The following CMYA5 variants were observed in gnomAD, a reference collection of about 807,000 sequenced individuals.
CMYA5 encodes the protein cardiomyopathy-associated protein 5.
CMYA5 carries 246 observed loss-of-function variants against 318.9 expected under a neutral mutation model. The ratio of observed to expected loss-of-function variants is 0.77; its 90% CI spans 0.70 to 0.86. CMYA5 has a LOEUF of 0.86. CMYA5 is among the 40% of genes least tolerant of loss of function. CMYA5 has a pLI of 0.00. For missense variants in CMYA5, 4,589 were observed against 4,678.2 expected, an observed-to-expected ratio of 0.98 and a Z score of 0.56; for synonymous variants, 1,641 against 1,729.5, an observed-to-expected ratio of 0.95 and a Z score of 1.27.
At chr5:79,739,946 G>A (rs538223066) in intron 2 of CMYA5, among the ~76,000 whole-genome samples, 1 of 152,018 alleles carries the variant, frequency 6.6e-6, no homozygotes, top group African/African-American at 2.4e-5. Flanking sequence ...TCCCGCCACT[G>A]CACTCCACTC....
Position 79,747,076 on chromosome 5 carries a change from CTCTT to C in CMYA5, c.10969-11_10969-8del, listed in dbSNP as rs1431378439. ...TCTCTCTTCTCCTCCTCCTTCCTCT[CTCTT>C]TCTCCCTAAGTCGTTTGAGGAAATC... is the stretch of plus-strand genomic sequence containing the variant. On this transcript the variant is annotated splice_polypyrimidine_tract_variant and intron_variant, in intron 4 of 12. Coordinates refer to ENST00000446378, the MANE Select transcript of CMYA5 (RefSeq NM_153610.5). 3 of 1,456,904 alleles carry C rather than the reference CTCTT, an allele frequency of 2.1e-6. No homozygotes were observed. The highest frequency in any genetic ancestry group is 1.4e-5 in the African/African-American group (1 of 70,894). The allele number at this position is 1,456,904 out of a possible 1,614,324, so 90.2% of individuals were successfully genotyped here. A position where few individuals can be genotyped will look rare whatever the true frequency, so the allele number is the denominator to read the frequency against.
rs987679415 is a variant in CMYA5 at position 79,731,978 on chromosome 5, G to C, written c.3213G>C (p.Leu1071Phe). 1 of 1,613,604 alleles carries C rather than the reference G, an allele frequency of 6.2e-7. No individual in the cohort carries two copies. The highest frequency in any genetic ancestry group is 1.3e-5 in the African/African-American group (1 of 74,882). The change falls in exon 2 of 13, where the codon TTG becomes TTC. Residue 1071 changes from leucine (L) to phenylalanine (F), a missense_variant. By Grantham distance (22) the Leu-to-Phe change is conservative. Coordinates refer to ENST00000446378, the MANE Select transcript of CMYA5 (RefSeq NM_153610.5). ...SQKQKAETFPLMSPLEDLSLP... is the reference protein window; with the variant it reads ...SQKQKAETFPFMSPLEDLSLP... ...AGCAAAAAGCTGAAACTTTCCCTTT[G>C]ATGTCTCCGCTTGAAGACTTAAGTC...
At chr5:79,744,639 A>T (rs909014532) in intron 3 of CMYA5, among the ~76,000 whole-genome samples, 2 of 152,234 alleles carry the variant, frequency 1.3e-5, no homozygotes, top group Non-Finnish European at 2.9e-5. Context: ...CATGCTAGTT[A>T]TTTCGGGTGT....
At chr5:79,773,844 T>C (rs1175541642) in intron 9 of CMYA5, among the ~76,000 whole-genome samples, 1 of 151,774 alleles carries the variant, frequency 6.6e-6, no homozygotes, top group Non-Finnish European at 1.5e-5. Flanking sequence ...CCACCCCCAA[T>C]CCCCGATAAA....
In CMYA5 at chr5:79,737,404, G is replaced by A. The variant is rs187131012; in HGVS notation, c.8639G>A (p.Arg2880His). ...CACTTGGAGGCTGCGGAAGATACCC[G>A]TGTAAAGGAACCACTGTCTTCAGCA... ...KHHLEAAEDT[R>H]VKEPLSSAKS... The change falls in exon 2 of 13, where the codon CGT becomes CAT. Residue 2880 changes from arginine to histidine, a missense_variant. By Grantham distance (29) the Arg-to-His change is conservative (BLOSUM62 0). Transcript: ENST00000446378. 9.9e-6 allele frequency: 16 copies of A among 1,613,852 alleles called. No individual in the cohort carries two copies. The highest frequency in any genetic ancestry group is 3.3e-4 in the Middle Eastern group (2 of 6,060).
At chr5:79,767,251 A>C (rs545879949) in intron 9 of CMYA5, among the ~76,000 whole-genome samples, 1 of 152,188 alleles carries the variant, frequency 6.6e-6, no homozygotes, top group Non-Finnish European at 1.5e-5. Flanking sequence ...TCAAAAAACC[A>C]GTTCCTGGAT....
In CMYA5 at chr5:79,699,072, C is replaced by A. The variant is rs752319004; in HGVS notation, c.149+9016C>A. On this transcript the variant is annotated intron_variant, in intron 1 of 12. Transcript: ENST00000446378. The stretch of plus-strand genomic sequence containing the variant: ...ACTTGGGAGGCTGGGGCAGGAGAAT[C>A]GCTTGAACCCAGGAGGAAGAGGTTG... Among the ~76,000 whole-genome samples, 3 of 152,010 alleles carry A rather than the reference C, an allele frequency of 2.0e-5. No homozygotes were observed. In the South Asian group the frequency reaches 6.2e-4, roughly 32 times the overall value.
intron 9 of CMYA5, among the ~76,000 whole-genome samples, chr5:79,787,845 A>C (rs1013239794): frequency 6.6e-6 from 1 of 152,188 alleles, no homozygotes; most frequent in Non-Finnish European, 1.5e-5. Context: ...CTGGGCCAAG[A>C]ACATTTTTTC....
chr5:79,799,797 G>A lies in CMYA5; in HGVS notation c.*181G>A, dbSNP rs543628434. The A allele has an allele frequency of 1.3e-4, 80 of 620,688 alleles. No individual in the cohort carries two copies. In the East Asian group the frequency reaches 2.5e-3, roughly 19 times the overall value. The allele number at this position is 620,688 out of a possible 1,614,324, so 38.4% of individuals were successfully genotyped here. ...AAGAAAACCTTGACTTTACAGAGCA[G>A]TGTGTGAGTAAACAGAATGAAAACA... is the stretch of plus-strand genomic sequence containing the variant. On this transcript the variant is annotated 3_prime_UTR_variant, in exon 13 of 13. Coordinates refer to ENST00000446378, the MANE Select transcript of CMYA5 (RefSeq NM_153610.5).
rs375956497 is a variant in CMYA5, at chr5:79,732,095, A to G, written c.3330A>G (p.Ala1110=). ...STSVSEYLIL[A]QKQKTQAYLE... ...CTGTATCTGAATATCTCATTTTGGC[A>G]CAGAAGCAGAAAACTCAAGCATATT... The change falls in exon 2 of 13, where the codon GCA becomes GCG. Residue 1110 remains alanine (A), a synonymous_variant. Coordinates refer to ENST00000446378, the MANE Select transcript of CMYA5 (RefSeq NM_153610.5). 1 of 1,613,868 alleles carries G rather than the reference A, an allele frequency of 6.2e-7. No homozygotes were observed. Among genetic ancestry groups the G allele is most frequent in the Non-Finnish European group, 8.5e-7 (1 of 1,179,882 alleles).
intron 1 of CMYA5, among the ~76,000 whole-genome samples, chr5:79,722,145 T>C (rs750414747): frequency 6.6e-6 from 1 of 152,078 alleles, no homozygotes; most frequent in Non-Finnish European, 1.5e-5. Context: ...AACTAGAAAG[T>C]AAACAAAAAG....
At chr5:79,769,440 T>A (rs751851054) in intron 9 of CMYA5, among the ~76,000 whole-genome samples, 4 of 152,184 alleles carry the variant, frequency 2.6e-5, no homozygotes, top group Non-Finnish European at 2.9e-5. Flanking sequence ...TGGATTTATC[T>A]ACCTTTCGTC....
At position 79,735,170 on chromosome 5, in the gene CMYA5, C is replaced by T. The variant is rs1424640724; in HGVS notation, c.6405C>T (p.Ile2135=). The T allele has an allele frequency of 1.2e-6, 2 of 1,613,324 alleles. No individual in the cohort carries two copies. Among genetic ancestry groups the T allele is most frequent in the African/African-American group, 1.3e-5 (1 of 74,820 alleles). ...EVKIPTQRKP[I]SSIHAREPQS... is the part of the protein sequence containing the mutation. ...AAATACCCACACAAAGAAAACCCAT[C>T]TCCTCAATCCATGCAAGAGAGCCTC... Residue 2135 remains isoleucine, a synonymous_variant, in exon 2 of 13, where the codon ATC becomes ATT. Coordinates refer to ENST00000446378, the MANE Select transcript of CMYA5 (RefSeq NM_153610.5).
rs1266920314 is a variant in CMYA5 at position 79,758,799 on chromosome 5, C to T, written c.11157C>T (p.Thr3719=). The T allele has an allele frequency of 3.1e-6, 5 of 1,599,276 alleles. No homozygotes were observed. Among genetic ancestry groups the T allele is most frequent in the African/African-American group, 1.3e-5 (1 of 74,204 alleles). Residue 3719 remains threonine (T), a synonymous_variant, in exon 7 of 13, where the codon ACC becomes ACT. Transcript: ENST00000446378. The stretch of plus-strand genomic sequence containing the variant: ...AACCTCAGGAACCAAATTCTGCCAC[C>T]AGCACAACAATTGCAGTTTACTGGA... ...RLEPQEPNSA[T]STTIAVYWSM... is the part of the protein sequence containing the mutation.
chr5:79,718,747 G>A (rs1827566068), intron 1 of CMYA5, among the ~76,000 whole-genome samples: 1 of 152,102 alleles, frequency 6.6e-6, no homozygotes, highest in Non-Finnish European at 1.5e-5. Flanking sequence ...GTTAATGACA[G>A]ACTGCATATA....
At chr5:79,775,347 G>A (rs940401469) in intron 9 of CMYA5, among the ~76,000 whole-genome samples, 1 of 152,122 alleles carries the variant, frequency 6.6e-6, no homozygotes, top group Non-Finnish European at 1.5e-5. Flanking sequence ...ACTTAGGCCT[G>A]TCAATTTCCA....
chr5:79,743,997 G>C, intron 3 of CMYA5, 75 bp downstream of exon 3: 1 of 723,980 alleles, frequency 1.4e-6, no homozygotes, highest in South Asian at 2.2e-5. Context: ...GAGGTGAAGG[G>C]ATCTGACTTG....
At chr5:79,695,427 T>C (rs1400454567) in intron 1 of CMYA5, among the ~76,000 whole-genome samples, 1 of 152,250 alleles carries the variant, frequency 6.6e-6, no homozygotes, top group Admixed American at 6.5e-5. Context: ...ATTAGAGATA[T>C]CTTACATTAT....
At chr5:79,707,198 T>G (rs1024907345) in intron 1 of CMYA5, among the ~76,000 whole-genome samples, 1 of 152,182 alleles carries the variant, frequency 6.6e-6, no homozygotes, top group African/African-American at 2.4e-5. Flanking sequence ...ATTGTCAGCT[T>G]TGAACAGAAT....
Sources: allele counts gnomAD v4.1 joint callset (sites outside exome capture counted in the v4.1 genomes callset), GRCh38; gene constraint gnomAD v4.1.1; transcripts MANE v1.5; gene names NCBI Gene and HGNC (gene_info 2026-07-23, HGNC 2026-07-21).